Variants in LPP observed in about 807,000 individuals in gnomAD.
LPP encodes the protein LIM domain containing preferred translocation partner in lipoma, also known as lipoma-preferred partner.
Under a neutral mutation model 60.4 loss-of-function variants are expected in LPP, and 38 were observed. The observed-to-expected ratio is 0.63, with a 90% CI of 0.49 to 0.83. LPP has a LOEUF of 0.83. Among genes scored for constraint, LPP ranks in the 40% least tolerant of loss-of-function variants. LPP has a pLI of 0.00. For missense variants in LPP, 902 were observed against 783.6 expected, an observed-to-expected ratio of 1.15 and a Z score of -1.80; for synonymous variants, 328 against 290.8, an observed-to-expected ratio of 1.13 and a Z score of -1.30.
At chr3:188,715,406 A>AAG (rs397875737) in intron 8 of LPP, among the ~76,000 whole-genome samples, 12 of 139,674 alleles carry the variant, frequency 8.6e-5, no homozygotes, top group African/African-American at 2.8e-4. Context: ...AAAAAAAAAA[A>AAG]GGAACATGGG....
chr3:188,683,831 G>A (rs1389386437), intron 7 of LPP, among the ~76,000 whole-genome samples: 3 of 152,254 alleles, frequency 2.0e-5, no homozygotes, highest in Middle Eastern at 3.4e-3. Context: ...CAGTGGGAGG[G>A]TCAAGAAACC....
rs187422906 is a variant in LPP at position 188,728,072 on chromosome 3, G to A, written c.1240+19679G>A. ...TCAGCATAAAGACTCAGAATCACCT[G>A]GGGGAGCTTTATCACATTCAAAACT... On this transcript the variant is annotated intron_variant, in intron 8 of 11. Coordinates refer to ENST00000617246, the MANE Select transcript of LPP (RefSeq NM_001375462.1). 8.5e-5 allele frequency among the ~76,000 whole-genome samples: 13 copies of A among 152,124 alleles called. No individual in the cohort carries two copies. In the East Asian group the frequency reaches 2.3e-3, roughly 27 times the overall value.
At chr3:188,514,849 T>C (rs1387361853) in intron 5 of LPP, among the ~76,000 whole-genome samples, 1 of 152,226 alleles carries the variant, frequency 6.6e-6, no homozygotes, top group Non-Finnish European at 1.5e-5. Flanking sequence ...AGCCTATTTA[T>C]GGACCCTTGG....
Position 188,256,387 on chromosome 3 carries a change from T to C in LPP, c.-67+30860T>C, listed in dbSNP as rs527948255. Among the ~76,000 whole-genome samples, 12 of 152,314 alleles carry C rather than the reference T, an allele frequency of 7.9e-5. No homozygotes were observed. The South Asian group carries it at 2.1e-3, about 26-fold the overall frequency. ...AACAAGCATTTATAAAAATATAAATTGTAATCTAAGTATTGTTATAGAACT... is the reference window on the plus strand; with the variant it reads ...AACAAGCATTTATAAAAATATAAATCGTAATCTAAGTATTGTTATAGAACT... On this transcript the variant is annotated intron_variant, in intron 2 of 11. Coordinates refer to ENST00000617246, the MANE Select transcript of LPP (RefSeq NM_001375462.1).
chr3:188,290,908 GTCC>G (rs1473806217), intron 2 of LPP, among the ~76,000 whole-genome samples: 2 of 152,188 alleles, frequency 1.3e-5, no homozygotes, highest in Admixed American at 1.3e-4. Context: ...GCCTGGGTCT[GTCC>G]TCAGAGCTCT....
intron 2 of LPP, among the ~76,000 whole-genome samples, chr3:188,273,785 G>C (rs556196479): frequency 3.6e-4 from 54 of 151,700 alleles, no homozygotes; most frequent in Non-Finnish European, 5.4e-4. Flanking sequence ...TAGTAGAGAT[G>C]GGGTTTCACC....
rs533952937 is a variant in LPP, at chr3:188,271,623, C to G, written c.-67+46096C>G. Among the ~76,000 whole-genome samples the G allele has an allele frequency of 8.5e-5, 13 of 152,240 alleles. No homozygotes were observed. In the East Asian group the frequency reaches 2.3e-3, roughly 27 times the overall value. On this transcript the variant is annotated intron_variant, in intron 2 of 11. Transcript: ENST00000617246. ...GAGATAAGGCATGATTTTAAATGCTCCTATTGGTCTTTATGGGTTCTGTAG... is the reference window on the plus strand; with the variant it reads ...GAGATAAGGCATGATTTTAAATGCTGCTATTGGTCTTTATGGGTTCTGTAG...
intron 4 of LPP, among the ~76,000 whole-genome samples, chr3:188,416,140 T>C (rs1402101893): frequency 1.3e-5 from 2 of 152,094 alleles, no homozygotes; most frequent in East Asian, 1.9e-4. Context: ...AAGGAATGCA[T>C]ATAGATATCT....
intron 9 of LPP, among the ~76,000 whole-genome samples, chr3:188,791,952 C>T (rs894604770): frequency 1.3e-5 from 2 of 152,116 alleles, no homozygotes; most frequent in African/African-American, 4.8e-5. Flanking sequence ...TGGTGCTTAA[C>T]ACATAGTAGA....
At position 188,409,648 on chromosome 3, in the gene LPP, T is replaced by A. The variant is rs73050774; in HGVS notation, c.193+3335T>A. On this transcript the variant is annotated intron_variant, in intron 4 of 11. Transcript: ENST00000617246. ...GCACAGGTTTTATTTCCAGGATGCA[T>A]TGGTGATACCAGCTTATGCTCTGTA... Among the ~76,000 whole-genome samples the A allele has an allele frequency of 4.2e-3, 641 of 152,320 alleles. 6 individuals carry two copies. The highest frequency in any genetic ancestry group is 0.015 in the African/African-American group (617 of 41,572).
chr3:188,650,526 G>A (rs1017248754), intron 7 of LPP, among the ~76,000 whole-genome samples: 3 of 152,044 alleles, frequency 2.0e-5, no homozygotes, highest in African/African-American at 2.4e-5. Flanking sequence ...CACTTGCTCC[G>A]CTGCTTGTTT....
intron 9 of LPP, among the ~76,000 whole-genome samples, chr3:188,856,009 C>A (rs1763741832): frequency 6.6e-6 from 1 of 152,106 alleles, no homozygotes; most frequent in Non-Finnish European, 1.5e-5. Flanking sequence ...TCTATCAAGG[C>A]CTCATGTCTA....
intron 4 of LPP, among the ~76,000 whole-genome samples, chr3:188,417,752 A>G (rs758611552): frequency 6.6e-6 from 1 of 152,196 alleles, no homozygotes; most frequent in Non-Finnish European, 1.5e-5. Flanking sequence ...TGTCTGTTAT[A>G]TTTTAGAATG....
At chr3:188,662,702 G>A (rs1225092259) in intron 7 of LPP, among the ~76,000 whole-genome samples, 1 of 152,154 alleles carries the variant, frequency 6.6e-6, no homozygotes, top group Non-Finnish European at 1.5e-5. Context: ...CCCTTGCAAA[G>A]CAGGCACAAA....
intron 1 of LPP, among the ~76,000 whole-genome samples, chr3:188,164,611 C>T (rs1719372267): frequency 6.6e-6 from 1 of 152,148 alleles, no homozygotes; most frequent in South Asian, 2.1e-4. Flanking sequence ...ATGGGAAAGG[C>T]AAACTCTGCC....
At chr3:188,263,330 C>T (rs914612629) in intron 2 of LPP, among the ~76,000 whole-genome samples, 2 of 152,128 alleles carry the variant, frequency 1.3e-5, no homozygotes, top group Non-Finnish European at 2.9e-5. Context: ...TTCACCAGCT[C>T]CAGTCAGACT....
intron 7 of LPP, among the ~76,000 whole-genome samples, chr3:188,656,208 A>G (rs983172146): frequency 6.6e-6 from 1 of 151,818 alleles, no homozygotes; most frequent in African/African-American, 2.4e-5. Context: ...GGAAAAAAAA[A>G]AAAAAAAAAC....
At chr3:188,564,299 G>T (rs1023921599) in intron 6 of LPP, among the ~76,000 whole-genome samples, 1 of 151,904 alleles carries the variant, frequency 6.6e-6, no homozygotes, top group African/African-American at 2.4e-5. Flanking sequence ...TGAAAATGTA[G>T]GTATGTAAGA....
intron 8 of LPP, among the ~76,000 whole-genome samples, chr3:188,727,737 A>G (rs1718946579): frequency 1.3e-5 from 2 of 152,168 alleles, no homozygotes; most frequent in African/African-American, 4.8e-5. Context: ...GTCTTACTTA[A>G]TGCTCACAAC....
Sources: allele counts gnomAD v4.1 joint callset (sites outside exome capture counted in the v4.1 genomes callset), GRCh38; gene constraint gnomAD v4.1.1; transcripts MANE v1.5; gene names NCBI Gene and HGNC (gene_info 2026-07-23, HGNC 2026-07-21).